The following SUSD2 variants were observed in gnomAD, a reference collection of about 807,000 sequenced individuals.
SUSD2 encodes the protein sushi domain-containing protein 2.
A neutral mutation model predicts 93.8 loss-of-function variants in SUSD2; 86 were observed. The ratio of observed to expected loss-of-function variants is 0.92; its 90% confidence interval spans 0.77 to 1.10. SUSD2 has a LOEUF of 1.10. Among genes scored for constraint, SUSD2 ranks in the 50% least tolerant of loss-of-function variants. The probability of loss-of-function intolerance (pLI) is 0.00; values close to 1 mark genes in which losing one functional copy is unlikely to be tolerated. For synonymous variants in SUSD2, 483 were observed against 485.0 expected (o/e 1.00, Z 0.05); for missense variants, 1,060 against 1,137.0 (o/e 0.93, Z 0.97).
At chr22:24,182,700 G>A (rs2047332289) in intron 1 of SUSD2, 1 of 226,422 alleles carries the variant, frequency 4.4e-6, no homozygotes, top group East Asian at 1.0e-4. Flanking sequence ...CAGCTACCGT[G>A]GCCCACTGAG....
Position 24,187,651 on chromosome 22 carries a change from G to C in SUSD2, c.1972G>C (p.Asp658His). 1 of 1,614,058 alleles carries C rather than the reference G, an allele frequency of 6.2e-7. No individual in the cohort carries two copies. The highest frequency in any genetic ancestry group is 1.1e-5 in the South Asian group (1 of 91,080). ...VHNFLYQPKH[D>H]PTFEPLFPSE... ...CAACTTCCTGTACCAACCCAAGCAC[G>C]ACCCCACCTTCGAGCCCCTCTTCCC... is the stretch of plus-strand genomic sequence containing the variant. The change falls in exon 12 of 15, where the codon GAC becomes CAC. Residue 658 changes from aspartate (D) to histidine (H), a missense_variant. Asp to His is a moderately conservative substitution (Grantham distance 81). Coordinates refer to ENST00000358321, the MANE Select transcript of SUSD2 (RefSeq NM_019601.4).
In SUSD2 at chr22:24,186,066, A is replaced by C; in HGVS notation, c.1390A>C (p.Thr464Pro). Residue 464 changes from threonine to proline, a missense_variant, in exon 9 of 15, where the codon ACA (threonine) becomes CCA (proline). Coordinates refer to ENST00000358321, the MANE Select transcript of SUSD2 (RefSeq NM_019601.4). ...HFVTFDGTNF[T>P]FNGRGEYVLL... is the part of the protein sequence containing the mutation. Reference sequence around the variant, plus strand: ...TGTGACCTTCGACGGCACCAACTTCACATTCAATGGGCGCGGAGAGTACGT... The same window carrying C: ...TGTGACCTTCGACGGCACCAACTTCCCATTCAATGGGCGCGGAGAGTACGT... 1 of 1,612,468 alleles carries C rather than the reference A, an allele frequency of 6.2e-7. No homozygotes were observed. Among genetic ancestry groups the C allele is most frequent in the Non-Finnish European group, 8.5e-7 (1 of 1,179,490 alleles).
rs1459242380 is a variant in SUSD2, at chr22:24,183,546, G to A, written c.339G>A (p.Val113=). The change falls in exon 3 of 15, where the codon GTG becomes GTA. Residue 113 remains valine (V), a synonymous_variant. Coordinates refer to ENST00000358321, the MANE Select transcript of SUSD2 (RefSeq NM_019601.4). ...TLGHVDSSGQ[V]HCVSPLLYES... ...GCCATGTGGACTCCTCCGGGCAAGT[G>A]CACTGTGTGTCACCTCTGCTCTATG... 1.2e-6 allele frequency: 2 copies of A among 1,613,360 alleles called. No homozygotes were observed. Among genetic ancestry groups the A allele is most frequent in the South Asian group, 1.1e-5 (1 of 91,090 alleles).
At position 24,183,279 on chromosome 22, in the gene SUSD2, C is replaced by G. The variant is rs767233211; in HGVS notation, c.287+12C>G. 2.5e-4 allele frequency: 404 copies of G among 1,607,662 alleles called. No individual in the cohort carries two copies. Among genetic ancestry groups the G allele is most frequent in the Non-Finnish European group, 3.4e-4 (394 of 1,176,026 alleles). On this transcript the variant is annotated intron_variant, in intron 2 of 14. Coordinates refer to ENST00000358321, the MANE Select transcript of SUSD2 (RefSeq NM_019601.4). ...AGTGTGATCTGCAGGTTGGGAGGCC[C>G]AGGAGGCCGGGCACTGGGGCCCCAC...
chr22:24,186,424 T>C lies in SUSD2; in HGVS notation c.1642+9T>C, dbSNP rs758319619. ...CTGGATGGACCTGAAAGGTGAGCAG[T>C]CCAGCCACGCGAGGCTGCGGGCTGC... is the stretch of plus-strand genomic sequence containing the variant. On this transcript the variant is annotated intron_variant, in intron 10 of 14. Transcript: ENST00000358321. The C allele has an allele frequency of 1.9e-6, 3 of 1,612,384 alleles. No homozygotes were observed. The South Asian group carries it at 3.3e-5, about 18-fold the overall frequency.
rs1161592423 is a variant in SUSD2, at chr22:24,189,088, C to G, written c.*652C>G. Reference sequence around the variant, plus strand: ...CCTCCCTGCCTGTGCAAAGAGAAAACAAGCGCCTTGTTTCCTTCCCTGGTC... The same window carrying G: ...CCTCCCTGCCTGTGCAAAGAGAAAAGAAGCGCCTTGTTTCCTTCCCTGGTC... On this transcript the variant is annotated 3_prime_UTR_variant, in exon 15 of 15. Coordinates refer to ENST00000358321, the MANE Select transcript of SUSD2 (RefSeq NM_019601.4). 1.3e-5 allele frequency: 2 copies of G among 152,336 alleles called. No homozygotes were observed. The highest frequency in any genetic ancestry group is 4.8e-5 in the African/African-American group (2 of 41,464). 9.4% of individuals were successfully genotyped at this position (152,336 alleles called of 1,614,324 possible).
chr22:24,186,509 C>T (rs2047367677), intron 10 of SUSD2, 94 bp downstream of exon 10: 3 of 1,471,494 alleles, frequency 2.0e-6, no homozygotes, highest in African/African-American at 2.8e-5. Flanking sequence ...CTTCATGCCT[C>T]TCCCAGTCCT....
Position 24,185,571 on chromosome 22 carries a change from G to C in SUSD2, c.1070G>C (p.Ser357Thr), listed in dbSNP as rs1333995038. The C allele has an allele frequency of 6.9e-6, 11 of 1,592,516 alleles. No homozygotes were observed. Among genetic ancestry groups the C allele is most frequent in the African/African-American group, 2.7e-5 (2 of 74,744 alleles). The change falls in exon 7 of 15, where the codon AGC becomes ACC. Residue 357 changes from serine to threonine, a missense_variant and splice_region_variant. Transcript: ENST00000358321. Reference protein sequence around the residue: ...AVHCVRSVQASLRYGSGQQCC... With the variant: ...AVHCVRSVQATLRYGSGQQCC... ...CACTGTGTGCGTTCTGTGCAGGCCAGGTGAGCCCCCAGGCTGGGGCCGGTA... is the reference window on the plus strand; with the variant it reads ...CACTGTGTGCGTTCTGTGCAGGCCACGTGAGCCCCCAGGCTGGGGCCGGTA...
Position 24,187,303 on chromosome 22 carries a change from G to A in SUSD2, c.1744G>A (p.Val582Ile), listed in dbSNP as rs116324909. The change falls in exon 11 of 15, where the codon GTC (valine) becomes ATC (isoleucine). Residue 582 changes from valine (V) to isoleucine (I), a missense_variant. Physicochemically the swap from Val to Ile is conservative, Grantham distance 29. Transcript: ENST00000358321. ...GCAGGGCCCGTTCCTGAGTGTGTCCGTCCTGCTGCCTGAGAAGTTCCTCAC... is the reference window on the plus strand; with the variant it reads ...GCAGGGCCCGTTCCTGAGTGTGTCCATCCTGCTGCCTGAGAAGTTCCTCAC... ...SVQGPFLSVS[V>I]LLPEKFLTHT... The A allele has an allele frequency of 2.4e-4, 391 of 1,614,066 alleles. No homozygotes were observed. The African/African-American group carries it at 3.6e-3, about 15-fold the overall frequency.
chr22:24,187,550 C>T (rs2047377094), intron 11 of SUSD2, 21 bp from the exon 12 acceptor site: 1 of 1,603,162 alleles, frequency 6.2e-7, no homozygotes, highest in African/African-American at 1.3e-5. Context: ...CCCAGCCAGG[C>T]CCCGGTCATG....
rs371492672 is a variant in SUSD2 at position 24,185,519 on chromosome 22, G to A, written c.1018G>A (p.Val340Met). ...DYGCDMEQGSVCTYHPGAVHC... is the reference protein window; with the variant it reads ...DYGCDMEQGSMCTYHPGAVHC... ...CGGCTGTGACATGGAGCAGGGCAGC[G>A]TGTGCACCTACCACCCCGGGGCCGT... Residue 340 changes from valine (V) to methionine (M), a missense_variant, in exon 7 of 15, where the codon GTG (valine) becomes ATG (methionine). By Grantham distance (21) the Val-to-Met change is conservative (BLOSUM62 1). Around this residue, in one of 2 missense-constraint regions of SUSD2, gnomAD observed 973 missense variants for 1,005.3 expected, o/e 0.97. Coordinates refer to ENST00000358321, the MANE Select transcript of SUSD2 (RefSeq NM_019601.4). The A allele has an allele frequency of 3.2e-5, 51 of 1,577,498 alleles. No homozygotes were observed. The highest frequency in any genetic ancestry group is 3.3e-4 in the Middle Eastern group (2 of 6,032).
In SUSD2 at chr22:24,185,106, G is replaced by A. The variant is rs146516969; in HGVS notation, c.795G>A (p.Ala265=). 30 of 1,612,944 alleles carry A rather than the reference G, an allele frequency of 1.9e-5. No individual in the cohort carries two copies. Among genetic ancestry groups the A allele is most frequent in the African/African-American group, 1.5e-4 (11 of 75,044 alleles). ...ATCACCTCCACAGGGACGTGCAGGC[G>A]CTCTGGACCAACGACCACGCACTGG... ...KNYAGQKDVQ[A]LWTNDHALAW... The change falls in exon 6 of 15, where the codon GCG becomes GCA. Residue 265 remains alanine (A), a synonymous_variant. Coordinates refer to ENST00000358321, the MANE Select transcript of SUSD2 (RefSeq NM_019601.4).
rs1163973475 is a variant in SUSD2, at chr22:24,187,384, C to T, written c.1825C>T (p.Leu609=). The change falls in exon 11 of 15, where the codon CTG becomes TTG. Residue 609 remains leucine (L), a synonymous_variant. Coordinates refer to ENST00000358321, the MANE Select transcript of SUSD2 (RefSeq NM_019601.4). ...CAACGACCCCACCGACGACTTCACC[C>T]TGCACAGCGGGCGCGTCCTGCCCCC... The part of the protein sequence containing the change: ...LNNDPTDDFT[L]HSGRVLPPGT... 1.2e-6 allele frequency: 2 copies of T among 1,613,792 alleles called. No individual in the cohort carries two copies. The highest frequency in any genetic ancestry group is 2.7e-5 in the African/African-American group (2 of 74,852).
chr22:24,181,490 G>T lies in SUSD2; in HGVS notation c.-30G>T. 6.5e-7 allele frequency: 1 copy of T among 1,531,302 alleles called. No individual in the cohort carries two copies. Among genetic ancestry groups the T allele is most frequent in the East Asian group, 2.4e-5 (1 of 41,196 alleles). 94.9% of individuals were successfully genotyped at this position (1,531,302 alleles called of 1,614,324 possible). A position where few individuals can be genotyped will look rare whatever the true frequency, so the allele number is the denominator to read the frequency against. On this transcript the variant is annotated 5_prime_UTR_variant, in exon 1 of 15. Transcript: ENST00000358321. Reference sequence around the variant, plus strand: ...CTGGCCGCCTCGCCTCGGAGCCACTGCACTGCTGGCTGCAGACACAGGCTG... The same window carrying T: ...CTGGCCGCCTCGCCTCGGAGCCACTTCACTGCTGGCTGCAGACACAGGCTG...
In SUSD2 at chr22:24,188,350, C is replaced by A; in HGVS notation, c.2444+23C>A. 6.2e-7 allele frequency: 1 copy of A among 1,610,300 alleles called. No homozygotes were observed. Among genetic ancestry groups the A allele is most frequent in the Non-Finnish European group, 8.5e-7 (1 of 1,179,402 alleles). ...CACGTGAGACCCCCCAGCCCCTCTCCCAAGACCCCGAGACAGCCGGTGGGA... is the reference window on the plus strand; with the variant it reads ...CACGTGAGACCCCCCAGCCCCTCTCACAAGACCCCGAGACAGCCGGTGGGA... On this transcript the variant is annotated intron_variant, in intron 14 of 14. Transcript: ENST00000358321. The surrounding 1 kb of genome is among the most constrained non-coding windows in gnomAD (Gnocchi z 4.7).
intron 10 of SUSD2, chr22:24,186,840 T>G: frequency 2.4e-6 from 1 of 411,538 alleles, no homozygotes; most frequent in Non-Finnish European, 4.5e-6. Context: ...AATGAAAGGA[T>G]TCCTGGTTGG....
chr22:24,183,691 C>T, intron 3 of SUSD2, 45 bp downstream of exon 3: 1 of 1,587,464 alleles, frequency 6.3e-7, no homozygotes, highest in Non-Finnish European at 8.5e-7. Flanking sequence ...CGGGGACTTT[C>T]CCCAGCGCTA....
chr22:24,186,719 A>C, intron 10 of SUSD2: 2 of 449,636 alleles, frequency 4.4e-6, no homozygotes, highest in South Asian at 2.8e-5. Flanking sequence ...TGCTCCTGTC[A>C]CTCCCTCAGT....
intron 10 of SUSD2, 145 bp downstream of exon 10, chr22:24,186,560 C>G (rs2047367861): frequency 1.0e-6 from 1 of 965,246 alleles, no homozygotes; most frequent in Non-Finnish European, 1.5e-6. Context: ...CCTTCACACC[C>G]ACCGAGGTGC....
Sources: allele counts gnomAD v4.1 joint callset, GRCh38; gene constraint gnomAD v4.1.1; regional missense constraint gnomAD v4.1.1; non-coding constraint Gnocchi (gnomAD v3.1); transcripts MANE v1.5; gene names NCBI Gene and HGNC (gene_info 2026-07-23, HGNC 2026-07-21).